Variants in BUB1B observed in about 807,000 individuals in gnomAD.
BUB1B encodes BUB1 mitotic checkpoint serine/threonine kinase B, also known as mitotic checkpoint serine/threonine-protein kinase BUB1 beta.
BUB1B carries 86 observed loss-of-function variants against 137.7 expected under a neutral mutation model. The observed-to-expected ratio is 0.62, with a 90% CI of 0.52 to 0.75. The LOEUF is 0.75. Ranked by LOEUF, BUB1B falls within the 30% of genes least tolerant of loss-of-function variation. BUB1B has a pLI of 0.00. For synonymous variants in BUB1B, 420 were observed against 417.9 expected (o/e 1.00, Z -0.06); for missense variants, 1,130 against 1,236.9 (o/e 0.91, Z 1.30).
At chr15:40,189,889 T>A (rs1295180676) in intron 8 of BUB1B, among the ~76,000 whole-genome samples, 3 of 152,266 alleles carry the variant, frequency 2.0e-5, no homozygotes, top group Non-Finnish European at 4.4e-5. Context: ...CTTTTTTGGT[T>A]ATTGTCATTC....
Position 40,217,579 on chromosome 15 carries a change from A to C in BUB1B, c.2762A>C (p.Gln921Pro). Residue 921 changes from glutamine (Q) to proline (P), a missense_variant, in exon 21 of 23, where the codon CAG becomes CCG. By Grantham distance (76) the Gln-to-Pro change is moderately conservative. Transcript: ENST00000287598. Reference sequence around the variant, plus strand: ...TCCTACAGTGTTGACCTTAGGGTGCAGCTGGATGTTTTTACCCTCAGCGGC... The same window carrying C: ...TCCTACAGTGTTGACCTTAGGGTGCCGCTGGATGTTTTTACCCTCAGCGGC... ...DFSYSVDLRVQLDVFTLSGFR... is the reference protein window; with the variant it reads ...DFSYSVDLRVPLDVFTLSGFR... The C allele has an allele frequency of 6.2e-7, 1 of 1,614,182 alleles. No homozygotes were observed. Among genetic ancestry groups the C allele is most frequent in the Middle Eastern group, 1.6e-4 (1 of 6,062 alleles).
At chr15:40,208,512 T>C in intron 15 of BUB1B, 125 bp from the exon 16 acceptor site, 1 of 931,130 alleles carries the variant, frequency 1.1e-6, no homozygotes, top group Admixed American at 2.2e-5. Context: ...TGCTCCAGCC[T>C]GGGTGACAAG....
intron 17 of BUB1B, 136 bp downstream of exon 17, chr15:40,209,911 A>T: frequency 8.9e-7 from 1 of 1,117,488 alleles, no homozygotes; most frequent in Non-Finnish European, 1.3e-6. Context: ...AGAGGATGAC[A>T]CATCAGTAAC....
chr15:40,194,785 C>G (rs1012691216), intron 8 of BUB1B, among the ~76,000 whole-genome samples: 1 of 152,082 alleles, frequency 6.6e-6, no homozygotes, highest in African/African-American at 2.4e-5. Context: ...ATTCTTAACT[C>G]TAATTCTTTT....
chr15:40,191,212 A>T (rs2037433362), intron 8 of BUB1B, among the ~76,000 whole-genome samples: 1 of 152,180 alleles, frequency 6.6e-6, no homozygotes, highest in African/African-American at 2.4e-5. Flanking sequence ...TTTAAAACTG[A>T]TGAATTATTT....
intron 18 of BUB1B, among the ~76,000 whole-genome samples, chr15:40,211,611 T>A (rs1039636383): frequency 6.6e-6 from 1 of 152,188 alleles, no homozygotes; most frequent in African/African-American, 2.4e-5. Flanking sequence ...TCTTAACTGC[T>A]GCATATATAA....
intron 8 of BUB1B, among the ~76,000 whole-genome samples, chr15:40,194,580 G>C (rs1417409679): frequency 6.6e-6 from 1 of 152,144 alleles, no homozygotes; most frequent in East Asian, 1.9e-4. Context: ...GGAAGGACCG[G>C]TATCTTTAGT....
intron 14 of BUB1B, among the ~76,000 whole-genome samples, chr15:40,203,946 A>G (rs1201232134): frequency 1.3e-5 from 2 of 152,250 alleles, no homozygotes; most frequent in African/African-American, 4.8e-5. Flanking sequence ...AACTTAAAGC[A>G]GTGTTTTCCA....
rs780627386 is a variant in BUB1B, at chr15:40,200,195, C to T, written c.1402-49C>T. 1.2e-5 allele frequency: 15 copies of T among 1,288,928 alleles called. No individual in the cohort carries two copies. In the South Asian group the frequency reaches 1.7e-4, roughly 15 times the overall value. The allele number at this position is 1,288,928 out of a possible 1,614,324, so 79.8% of individuals were successfully genotyped here. ...AGCTAATGTTAGAACTAGAAAATAG[C>T]ATTTTCTGGATGGGAGGGACATTGA... is the stretch of plus-strand genomic sequence containing the variant. On this transcript the variant is annotated intron_variant, in intron 10 of 22. Coordinates refer to ENST00000287598, the MANE Select transcript of BUB1B (RefSeq NM_001211.6).
At chr15:40,187,515 C>T (rs944342603) in intron 8 of BUB1B, among the ~76,000 whole-genome samples, 11 of 151,660 alleles carry the variant, frequency 7.3e-5, no homozygotes, top group African/African-American at 2.7e-4. Flanking sequence ...CACTTGAGCC[C>T]AAGAATTTGA....
intron 20 of BUB1B, among the ~76,000 whole-genome samples, chr15:40,215,214 A>G (rs2037761008): frequency 6.6e-6 from 1 of 152,180 alleles, no homozygotes; most frequent in African/African-American, 2.4e-5. Flanking sequence ...TCATGCCTAT[A>G]ATCAATCCCA....
At chr15:40,217,203 G>T (rs1356785878) in intron 20 of BUB1B, among the ~76,000 whole-genome samples, 1 of 152,320 alleles carries the variant, frequency 6.6e-6, no homozygotes, top group Non-Finnish European at 1.5e-5. Context: ...GAAGAAGCCT[G>T]TGCTCTGCTT....
At chr15:40,169,213 T>A (rs2037133547) in intron 2 of BUB1B, among the ~76,000 whole-genome samples, 1 of 152,228 alleles carries the variant, frequency 6.6e-6, no homozygotes, top group South Asian at 2.1e-4. Context: ...TTTACCCTTT[T>A]TTTGAGGTAT....
intron 8 of BUB1B, among the ~76,000 whole-genome samples, chr15:40,193,582 C>T (rs1349861430): frequency 6.7e-6 from 1 of 148,462 alleles, no homozygotes; most frequent in Non-Finnish European, 1.5e-5. Flanking sequence ...ACTATAGGTG[C>T]ATGACACCAT....
At chr15:40,203,592 T>A (rs566571178) in intron 14 of BUB1B, among the ~76,000 whole-genome samples, 1 of 152,358 alleles carries the variant, frequency 6.6e-6, no homozygotes, top group Non-Finnish European at 1.5e-5. Context: ...TTTAAAGCCT[T>A]TTGTACTTTT....
chr15:40,206,204 A>T lies in BUB1B; in HGVS notation c.1755A>T (p.Glu585Asp). The part of the protein sequence containing the change: ...PDVCDEFTGI[E>D]PLSEDAIITG... ...TTCAGGATGAATTTACAGGAATTGAACCCTTGAGCGAGGATGCCATTATCA... is the reference window on the plus strand; with the variant it reads ...TTCAGGATGAATTTACAGGAATTGATCCCTTGAGCGAGGATGCCATTATCA... The change falls in exon 15 of 23, where the codon GAA (glutamate) becomes GAT (aspartate). Residue 585 changes from glutamate (E) to aspartate (D), a missense_variant. Physicochemically the swap from Glu to Asp is conservative, Grantham distance 45. Coordinates refer to ENST00000287598, the MANE Select transcript of BUB1B (RefSeq NM_001211.6). The T allele has an allele frequency of 6.2e-7, 1 of 1,614,044 alleles. No homozygotes were observed. Among genetic ancestry groups the T allele is most frequent in the East Asian group, 2.2e-5 (1 of 44,888 alleles).
At chr15:40,210,580 G>A (rs894898216) in intron 18 of BUB1B, among the ~76,000 whole-genome samples, 1 of 152,072 alleles carries the variant, frequency 6.6e-6, no homozygotes, top group Non-Finnish European at 1.5e-5. Context: ...CATGATCACG[G>A]CTCACTGCAG....
intron 4 of BUB1B, 111 bp downstream of exon 4, chr15:40,170,792 G>T (rs929291041): frequency 4.3e-5 from 47 of 1,089,950 alleles, no homozygotes; most frequent in Middle Eastern, 3.0e-4. Flanking sequence ...GAACCATTTA[G>T]TAGATTGGAA....
At chr15:40,170,841 A>T (rs2037154030) in intron 4 of BUB1B, among the ~76,000 whole-genome samples, 160 bp downstream of exon 4, 1 of 152,242 alleles carries the variant, frequency 6.6e-6, no homozygotes, top group Non-Finnish European at 1.5e-5. Flanking sequence ...AATTGGTTCT[A>T]CTTAAAGGTG....
Sources: gnomAD v4.1 joint callset for allele counts (sites outside exome capture counted in the v4.1 genomes callset) on GRCh38, gnomAD v4.1.1 for gene constraint, MANE v1.5 for transcripts, NCBI Gene and HGNC (gene_info 2026-07-23, HGNC 2026-07-21) for gene names.